KATNIP: variants seen among roughly 807,000 people sequenced by gnomAD.
KATNIP encodes katanin-interacting protein.
KATNIP carries 126 observed loss-of-function variants against 174.0 expected under a neutral mutation model. The observed-to-expected ratio is 0.72, with a 90% CI of 0.63 to 0.84. KATNIP has a LOEUF of 0.84. Ranked by LOEUF, KATNIP falls within the 40% of genes least tolerant of loss-of-function variation. The pLI is 0.00. For missense variants in KATNIP, 1,958 were observed against 2,109.7 expected (o/e 0.93, Z 1.41); for synonymous variants, 810 against 835.7 (o/e 0.97, Z 0.53).
intron 18 of KATNIP, among the ~76,000 whole-genome samples, chr16:27,756,988 T>A (rs1302226913): frequency 6.6e-6 from 1 of 152,244 alleles, no homozygotes; most frequent in East Asian, 1.9e-4. Flanking sequence ...ACTTCTGTTT[T>A]CCTGAATCCC....
At chr16:27,571,682 G>A (rs72784388) in intron 1 of KATNIP, among the ~76,000 whole-genome samples, 6,599 of 152,342 alleles carry the variant, frequency 0.043, 208 homozygotes, top group Middle Eastern at 0.12. Flanking sequence ...CATCTCACTG[G>A]CCTCTGCACT....
chr16:27,735,104 G>C (rs2080849846), intron 14 of KATNIP, among the ~76,000 whole-genome samples: 1 of 152,198 alleles, frequency 6.6e-6, no homozygotes, highest in Non-Finnish European at 1.5e-5. Flanking sequence ...GCAGAGTGCT[G>C]GAAACCTTTC....
At chr16:27,578,562 G>T (rs527582596) in intron 2 of KATNIP, among the ~76,000 whole-genome samples, 1 of 152,144 alleles carries the variant, frequency 6.6e-6, no homozygotes, top group East Asian at 1.9e-4. Context: ...CTGAACGGAG[G>T]CATTGGAAAG....
intron 6 of KATNIP, among the ~76,000 whole-genome samples, chr16:27,669,833 A>AT (rs34553521): frequency 0.11 from 16,689 of 149,968 alleles, 1,146 homozygotes; most frequent in Middle Eastern, 0.19. Context: ...GGGAGAGGGA[A>AT]TTTTTTTTTT....
intron 8 of KATNIP, among the ~76,000 whole-genome samples, chr16:27,690,105 C>T (rs1396823406): frequency 6.6e-6 from 1 of 151,930 alleles, no homozygotes; most frequent in African/African-American, 2.4e-5. Flanking sequence ...GAGTTCAAGA[C>T]CAGCCTGGGC....
Position 27,777,048 on chromosome 16 carries a change from A to C in KATNIP, c.4551+19A>C, listed in dbSNP as rs1442227853. ...GTTTGGCGTAAGTACTTATTAGCTG[A>C]GTTTTTTGAGATAATTATGCTCGTT... On this transcript the variant is annotated intron_variant, in intron 25 of 27. Coordinates refer to ENST00000261588, the MANE Select transcript of KATNIP (RefSeq NM_015202.5). This position sits in a 1 kb window ranked among gnomAD's most constrained non-coding sequence, Gnocchi z 4.4. 6.7e-7 allele frequency: 1 copy of C among 1,487,628 alleles called. No homozygotes were observed. The highest frequency in any genetic ancestry group is 9.3e-7 in the Non-Finnish European group (1 of 1,069,880). The allele number at this position is 1,487,628 out of a possible 1,614,324, so 92.2% of individuals were successfully genotyped here.
rs776385216 is a variant in KATNIP, at chr16:27,637,937, C to A, written c.408+6775C>A. Among the ~76,000 whole-genome samples the A allele has an allele frequency of 3.9e-5, 6 of 152,198 alleles. No individual in the cohort carries two copies. The highest frequency in any genetic ancestry group is 5.9e-5 in the Non-Finnish European group (4 of 68,034). On this transcript the variant is annotated intron_variant, in intron 5 of 27. Coordinates refer to ENST00000261588, the MANE Select transcript of KATNIP (RefSeq NM_015202.5). The surrounding 1 kb of genome is among the most constrained non-coding windows in gnomAD (Gnocchi z 4.7). The stretch of plus-strand genomic sequence containing the variant: ...GAAGCAGGGCTACGTCTCTCTCCAC[C>A]AACCTTCCCCAGCCCCCGTCCTTGC...
chr16:27,618,575 C>T (rs1424770526), intron 3 of KATNIP, 74 bp downstream of exon 3: 14 of 1,059,962 alleles, frequency 1.3e-5, no homozygotes, highest in Non-Finnish European at 2.0e-5. Flanking sequence ...TAACAGCAGG[C>T]AGGCCCTGCC....
intron 2 of KATNIP, among the ~76,000 whole-genome samples, chr16:27,601,456 C>A (rs1199112717): frequency 2.0e-5 from 3 of 152,032 alleles, no homozygotes; most frequent in Non-Finnish European, 4.4e-5. Flanking sequence ...GAGGCAATGA[C>A]CTTTATTTAT....
Position 27,648,746 on chromosome 16 carries a change from C to G in KATNIP, c.540+11C>G. The G allele has an allele frequency of 6.2e-7, 1 of 1,611,500 alleles. No individual in the cohort carries two copies. Among genetic ancestry groups the G allele is most frequent in the East Asian group, 2.2e-5 (1 of 44,818 alleles). On this transcript the variant is annotated intron_variant, in intron 6 of 27. Coordinates refer to ENST00000261588, the MANE Select transcript of KATNIP (RefSeq NM_015202.5). ...GAGGATCGTCCGCAGGTAGGGATGG[C>G]CTTGGCCTTGTGCTCGGGACACCTG...
intron 8 of KATNIP, among the ~76,000 whole-genome samples, chr16:27,684,813 T>C (rs2078465388): frequency 6.6e-6 from 1 of 152,214 alleles, no homozygotes; most frequent in South Asian, 2.1e-4. Flanking sequence ...TGTCCAAATG[T>C]GCCATTTTTA....
intron 8 of KATNIP, among the ~76,000 whole-genome samples, chr16:27,694,141 C>T (rs990877570): frequency 6.6e-6 from 1 of 152,164 alleles, no homozygotes; most frequent in East Asian, 1.9e-4. Flanking sequence ...CCATCATCCC[C>T]ATCAGCCCAG....
chr16:27,679,132 C>T (rs773595435), intron 7 of KATNIP: 1 of 152,178 alleles, frequency 6.6e-6, no homozygotes, highest in African/African-American at 2.4e-5. Context: ...TGTCAGTTTG[C>T]GAGGGTTGTC....
chr16:27,753,429 G>A (rs772030297), intron 17 of KATNIP, among the ~76,000 whole-genome samples: 1 of 152,088 alleles, frequency 6.6e-6, no homozygotes, highest in Non-Finnish European at 1.5e-5. Context: ...GATGGGCCCA[G>A]CGCTGTGAGG....
chr16:27,627,788 G>T (rs2076377767), intron 3 of KATNIP, among the ~76,000 whole-genome samples: 1 of 152,186 alleles, frequency 6.6e-6, no homozygotes, highest in South Asian at 2.1e-4. Flanking sequence ...TAGGTTGGCT[G>T]GTTGTCTGTA....
chr16:27,778,062 CT>C (rs2082566670), intron 27 of KATNIP, 93 bp downstream of exon 27: 1 of 1,101,680 alleles, frequency 9.1e-7, no homozygotes, highest in African/African-American at 1.5e-5. Context: ...ACCCTCACCC[CT>C]GCCTGCCCCT....
chr16:27,752,893 G>A (rs2081571715), intron 17 of KATNIP, among the ~76,000 whole-genome samples: 2 of 152,188 alleles, frequency 1.3e-5, no homozygotes, highest in Non-Finnish European at 2.9e-5. Flanking sequence ...GACCTTCAAG[G>A]TCAATTCAAG....
intron 12 of KATNIP, among the ~76,000 whole-genome samples, chr16:27,704,868 A>G (rs576832229): frequency 6.7e-6 from 1 of 150,106 alleles, no homozygotes. Flanking sequence ...GAGTGGTAGG[A>G]TTAACGGTGA....
intron 3 of KATNIP, among the ~76,000 whole-genome samples, chr16:27,623,776 T>G (rs2076258726): frequency 6.6e-6 from 1 of 152,066 alleles, no homozygotes; most frequent in East Asian, 1.9e-4. Flanking sequence ...ATGTGGTTCA[T>G]CTATAGTGCC....
Sources: allele counts gnomAD v4.1 joint callset (sites outside exome capture counted in the v4.1 genomes callset), GRCh38; gene constraint gnomAD v4.1.1; non-coding constraint Gnocchi (gnomAD v3.1); transcripts MANE v1.5; gene names NCBI Gene and HGNC (gene_info 2026-07-23, HGNC 2026-07-21).